The following LPA variants were observed in gnomAD, a reference collection of about 807,000 sequenced individuals.
LPA encodes the protein lipoprotein(a).
A neutral mutation model predicts 197.9 loss-of-function variants in LPA; 199 were observed. The observed-to-expected ratio is 1.01, with a 90% CI of 0.90 to 1.13. The LOEUF (loss-of-function observed/expected upper bound fraction) is 1.13, where lower values mean the gene tolerates loss of function less well. LPA is among the 50% of genes most tolerant of loss of function. The pLI is 0.00. For missense variants in LPA, 1,853 were observed against 1,785.8 expected, an observed-to-expected ratio of 1.04 and a Z score of -0.68; for synonymous variants, 715 against 639.5, an observed-to-expected ratio of 1.12 and a Z score of -1.78.
At position 160,532,552 on chromosome 6, in the gene LPA, G is replaced by C. The variant is rs769124602; in HGVS notation, c.5940C>G (p.Ala1980=). The C allele has an allele frequency of 6.2e-7, 1 of 1,608,552 alleles. No individual in the cohort carries two copies. Among genetic ancestry groups the C allele is most frequent in the South Asian group, 1.1e-5 (1 of 90,982 alleles). Residue 1980 remains alanine, a synonymous_variant, in exon 38 of 39, where the codon GCC becomes GCG. Transcript: ENST00000316300. ...HYKYICAEHL[A]RGTDSCQGDS... Reference sequence around the variant, plus strand: ...TTACCTGGCAACTGTCAGTGCCTCTGGCCAAATGCTCAGCACAAATATACT... The same window carrying C: ...TTACCTGGCAACTGTCAGTGCCTCTCGCCAAATGCTCAGCACAAATATACT...
chr6:160,596,901 A>T (rs920310406), intron 20 of LPA, among the ~76,000 whole-genome samples: 1 of 152,178 alleles, frequency 6.6e-6, no homozygotes, highest in Non-Finnish European at 1.5e-5. Flanking sequence ...CTCAGTTCAA[A>T]ACTTTTCTAA....
chr6:160,607,547 G>A (rs1271654848), intron 16 of LPA, among the ~76,000 whole-genome samples: 2 of 152,136 alleles, frequency 1.3e-5, no homozygotes, highest in Non-Finnish European at 1.5e-5. Context: ...AAAGCAGGTA[G>A]GAGTTTGGGC....
rs1778658312 is a variant in LPA at position 160,576,331 on chromosome 6, T to C, written c.4631+805A>G. Among the ~76,000 whole-genome samples the C allele has an allele frequency of 4.9e-5, 3 of 61,572 alleles. No individual in the cohort carries two copies. In the South Asian group the frequency reaches 2.4e-3, roughly 50 times the overall value. The allele number at this position is 61,572 out of a possible 152,430, so 40.4% of individuals were successfully genotyped here. A position where few individuals can be genotyped will look rare whatever the true frequency, so the allele number is the denominator to read the frequency against. ...TTATACCTGTATGTATGTGTGTGTG[T>C]GTGTGTGTGTATATATATATATATA... On this transcript the variant is annotated intron_variant, in intron 28 of 38. Transcript: ENST00000316300.
chr6:160,586,647 A>G lies in LPA; in HGVS notation c.3948-17T>C, dbSNP rs756252809. The G allele has an allele frequency of 6.2e-7, 1 of 1,613,310 alleles. No individual in the cohort carries two copies. Among genetic ancestry groups the G allele is most frequent in the Non-Finnish European group, 8.5e-7 (1 of 1,179,730 alleles). On this transcript the variant is annotated splice_polypyrimidine_tract_variant and intron_variant, in intron 24 of 38. Transcript: ENST00000316300. The stretch of plus-strand genomic sequence containing the variant: ...GTCAGGCCACTGCAAATTCCAAAAC[A>G]ATACAGGTCACCAGAGATTGGAGAA...
chr6:160,596,704 C>A (rs1358741017), intron 20 of LPA, among the ~76,000 whole-genome samples: 1 of 152,152 alleles, frequency 6.6e-6, no homozygotes, highest in Non-Finnish European at 1.5e-5. Flanking sequence ...AGTCCTTTAA[C>A]CTCATGGACT....
chr6:160,601,970 G>T (rs762571162), intron 18 of LPA, among the ~76,000 whole-genome samples: 5 of 152,156 alleles, frequency 3.3e-5, no homozygotes, highest in African/African-American at 4.8e-5. Flanking sequence ...ACCTCAGGCT[G>T]GGGAAATCTC....
chr6:160,582,776 A>AT (rs1778825581), intron 26 of LPA, among the ~76,000 whole-genome samples: 2 of 152,006 alleles, frequency 1.3e-5, no homozygotes, highest in South Asian at 2.1e-4. Context: ...TGCTTCAAGT[A>AT]TTTTTTCTGT....
At chr6:160,650,686 C>T (rs1355344555) in intron 1 of LPA, among the ~76,000 whole-genome samples, 189 bp from the exon 2 acceptor site, 1 of 152,164 alleles carries the variant, frequency 6.6e-6, no homozygotes, top group Non-Finnish European at 1.5e-5. Flanking sequence ...TTATTTAATT[C>T]TTAGAAATAT....
intron 28 of LPA, among the ~76,000 whole-genome samples, chr6:160,567,678 A>G (rs1778483073): frequency 1.3e-5 from 2 of 152,200 alleles, no homozygotes; most frequent in Non-Finnish European, 2.9e-5. Context: ...GACACAAAAA[A>G]ACCTTCAAAA....
intron 16 of LPA, among the ~76,000 whole-genome samples, chr6:160,611,285 T>A (rs1458790041): frequency 1.3e-5 from 2 of 152,056 alleles, no homozygotes; most frequent in Admixed American, 6.5e-5. Context: ...AAGGGTAATC[T>A]AAGTGTTTGG....
Position 160,605,177 on chromosome 6 carries a change from C to T in LPA, c.2814G>A (p.Gln938=), listed in dbSNP as rs1188526713. The change falls in exon 18 of 39, where the codon CAG becomes CAA. Residue 938 remains glutamine (Q), a synonymous_variant. Transcript: ENST00000316300. ...QAPTEQRPGV[Q]ECYHGNGQSY... ...TCTGTCCATTTCCGTGGTAGCACTC[C>T]TGCACCCCAGGCCTTTGCTCAGTTG... 6.2e-7 allele frequency: 1 copy of T among 1,613,942 alleles called. No homozygotes were observed. The highest frequency in any genetic ancestry group is 1.1e-5 in the South Asian group (1 of 91,088).
rs1562354583 is a variant in LPA, at chr6:160,653,991, A to ATAT, written c.50-3497_50-3495dup. Among the ~76,000 whole-genome samples the ATAT allele has an allele frequency of 2.9e-4, 4 of 13,582 alleles. 1 individual carries two copies. The highest frequency in any genetic ancestry group is 1.2e-3 in the African/African-American group (3 of 2,602). The allele number at this position is 13,582 out of a possible 152,430, so 8.9% of individuals were successfully genotyped here. On this transcript the variant is annotated intron_variant, in intron 1 of 38. Transcript: ENST00000316300. ...TTATATATAATATATAATATATAAT[A>ATAT]TATATTATATATAATATATATTATA...
intron 21 of LPA, 38 bp downstream of exon 21, chr6:160,595,316 C>T (rs371123647): frequency 3.7e-5 from 60 of 1,608,312 alleles, no homozygotes; most frequent in Non-Finnish European, 4.8e-5. Flanking sequence ...TTCATCCCAA[C>T]GTCCTAGGGT....
rs1779985045 is a variant in LPA, at chr6:160,650,492, G to A, written c.55C>T (p.Pro19Ser). The A allele has an allele frequency of 1.2e-6, 2 of 1,613,318 alleles. No individual in the cohort carries two copies. The highest frequency in any genetic ancestry group is 1.7e-5 in the Admixed American group (1 of 59,978). The change falls in exon 2 of 39, where the codon CCT (proline) becomes TCT (serine). Residue 19 changes from proline to serine, a missense_variant. Pro to Ser is a moderately conservative substitution (Grantham distance 74). Around this residue, in one of 3 missense-constraint regions of LPA, gnomAD observed 88 missense variants for 83.0 expected, o/e 1.06. Transcript: ENST00000316300. ...LLLLFLKSAA[P>S]EQSHVVQDCY... ...TCCTGGACCACATGGCTTTGCTCAG[G>A]TGCTGCTAAAATTAAAACAGAAGAA...
Position 160,540,113 on chromosome 6 carries a change from G to C in LPA, c.5665C>G (p.Gln1889Glu). 6.2e-7 allele frequency: 1 copy of C among 1,614,122 alleles called. No individual in the cohort carries two copies. The highest frequency in any genetic ancestry group is 8.5e-7 in the Non-Finnish European group (1 of 1,180,024). Residue 1889 changes from glutamine (Q) to glutamate (E), a missense_variant, in exon 36 of 39, where the codon CAG becomes GAG. Transcript: ENST00000316300. ...HQEVNLESHV[Q>E]EIEVSRLFLE... is the part of the protein sequence containing the mutation. The stretch of plus-strand genomic sequence containing the variant: ...AACAGCCTAGACACTTCTATTTCCT[G>C]AACATGAGATTCGAGGTTCACTTCT...
chr6:160,567,099 A>G lies in LPA; in HGVS notation c.4632-9528T>C, dbSNP rs1778471028. 5.9e-5 allele frequency among the ~76,000 whole-genome samples: 9 copies of G among 152,238 alleles called. No individual in the cohort carries two copies. In the South Asian group the frequency reaches 1.9e-3, roughly 32 times the overall value. ...AGACAGATCAATGAGACAGAAAGTTAACATGGATATCCAGGAATTGAACTC... is the reference window on the plus strand; with the variant it reads ...AGACAGATCAATGAGACAGAAAGTTGACATGGATATCCAGGAATTGAACTC... On this transcript the variant is annotated intron_variant, in intron 28 of 38. Transcript: ENST00000316300.
At chr6:160,608,458 T>C (rs1444361614) in intron 16 of LPA, among the ~76,000 whole-genome samples, 1 of 152,156 alleles carries the variant, frequency 6.6e-6, no homozygotes, top group Non-Finnish European at 1.5e-5. Context: ...ATTAGCAATT[T>C]GTATCACTGT....
chr6:160,611,701 C>T lies in LPA; in HGVS notation c.2464G>A (p.Gly822Arg). Residue 822 changes from glycine (G) to arginine (R), a missense_variant, in exon 16 of 39, where the codon GGG becomes AGG. Physicochemically the swap from Gly to Arg is moderately radical, Grantham distance 125. Coordinates refer to ENST00000316300, the MANE Select transcript of LPA (RefSeq NM_005577.4). ...SEQAPTEQRP[G>R]VQECYHGNGQ... The stretch of plus-strand genomic sequence containing the variant: ...TTACCGTGGTAGCACTCCTGCACCC[C>T]AGGCCTCTGCTCAGTCGGTGCTGAA... 6.5e-7 allele frequency: 1 copy of T among 1,530,126 alleles called. No homozygotes were observed. Among genetic ancestry groups the T allele is most frequent in the South Asian group, 1.1e-5 (1 of 88,850 alleles). The allele number at this position is 1,530,126 out of a possible 1,614,324, so 94.8% of individuals were successfully genotyped here. A position where few individuals can be genotyped will look rare whatever the true frequency, so the allele number is the denominator to read the frequency against.
At chr6:160,557,020 T>A (rs887640647) in intron 29 of LPA, among the ~76,000 whole-genome samples, 4 of 152,136 alleles carry the variant, frequency 2.6e-5, no homozygotes, top group African/African-American at 9.7e-5. Flanking sequence ...CCTCAGCAAC[T>A]GCAATGCTGA....
Sources: allele counts gnomAD v4.1 joint callset (sites outside exome capture counted in the v4.1 genomes callset), GRCh38; gene constraint gnomAD v4.1.1; regional missense constraint gnomAD v4.1.1; transcripts MANE v1.5; gene names NCBI Gene and HGNC (gene_info 2026-07-23, HGNC 2026-07-21).